The following CRACD variants were observed in gnomAD, a reference collection of about 807,000 sequenced individuals.
CRACD encodes the protein capping protein-inhibiting regulator of actin dynamics.
In CRACD, 56 loss-of-function variants were observed where a neutral mutation model predicts 106.8. The ratio of observed to expected loss-of-function variants is 0.52; its 90% CI spans 0.42 to 0.66. The LOEUF (loss-of-function observed/expected upper bound fraction) is 0.66, where lower values mean the gene tolerates loss of function less well. CRACD is among the 30% of genes least tolerant of loss of function. The pLI, the probability that CRACD is intolerant of heterozygous loss-of-function variation, is 0.00. For missense variants in CRACD, 1,730 were observed against 1,623.2 expected (o/e 1.07, Z -1.13); for synonymous variants, 754 against 670.8 (o/e 1.12, Z -1.92).
At chr4:56,118,255 AT>A (rs1553903191) in intron 1 of CRACD, among the ~76,000 whole-genome samples, 5 of 77,698 alleles carry the variant, frequency 6.4e-5, no homozygotes, top group Admixed American at 5.2e-4. Context: ...CTCATTTTGT[AT>A]ATCCAAAGGC....
intron 3 of CRACD, among the ~76,000 whole-genome samples, chr4:56,278,799 C>T (rs1163747461): frequency 6.6e-6 from 1 of 152,072 alleles, no homozygotes; most frequent in African/African-American, 2.4e-5. Context: ...AAATGACCCC[C>T]TCCCCAAATT....
At chr4:56,087,251 G>A (rs1015800832) in intron 1 of CRACD, among the ~76,000 whole-genome samples, 5 of 152,082 alleles carry the variant, frequency 3.3e-5, no homozygotes, top group African/African-American at 1.2e-4. Context: ...GACCTCAGAC[G>A]ATCCGCCCAC....
chr4:56,288,027 C>A (rs552339810), intron 3 of CRACD, among the ~76,000 whole-genome samples: 4 of 152,234 alleles, frequency 2.6e-5, no homozygotes, highest in South Asian at 2.1e-4. Context: ...GGTATTTGAA[C>A]CTTCTTGGGT....
intron 1 of CRACD, among the ~76,000 whole-genome samples, chr4:56,164,458 A>G (rs1313293398): frequency 6.6e-6 from 1 of 152,184 alleles, no homozygotes; most frequent in Non-Finnish European, 1.5e-5. Context: ...TTAATTGCTC[A>G]AAAAACTATA....
intron 1 of CRACD, among the ~76,000 whole-genome samples, chr4:56,178,859 T>C (rs78144680): frequency 0.017 from 2,528 of 152,318 alleles, 82 homozygotes; most frequent in African/African-American, 0.058. Flanking sequence ...ACCTAGTTAA[T>C]TCTGTGATTT....
chr4:56,288,394 C>A, intron 3 of CRACD: 1 of 226,926 alleles, frequency 4.4e-6, no homozygotes, highest in African/African-American at 2.3e-5. Flanking sequence ...GCCCCCCGCT[C>A]CCTCCCTCTC....
At chr4:56,187,487 A>G (rs111750610) in intron 2 of CRACD, among the ~76,000 whole-genome samples, 1 of 152,064 alleles carries the variant, frequency 6.6e-6, no homozygotes, top group African/African-American at 2.4e-5. Context: ...TGCTTGATTT[A>G]CCAGCAGCTT....
chr4:56,186,611 T>C (rs1737105074), intron 2 of CRACD, among the ~76,000 whole-genome samples: 1 of 152,180 alleles, frequency 6.6e-6, no homozygotes, highest in Non-Finnish European at 1.5e-5. Context: ...CCAGACATTG[T>C]GCTGAGGGGT....
intron 2 of CRACD, among the ~76,000 whole-genome samples, chr4:56,223,779 A>T (rs1306624185): frequency 6.6e-6 from 1 of 152,176 alleles, no homozygotes; most frequent in Non-Finnish European, 1.5e-5. Flanking sequence ...AAATTTTTTT[A>T]GACAGGGTCT....
At chr4:56,277,572 C>T (rs1012861276) in intron 3 of CRACD, among the ~76,000 whole-genome samples, 1 of 152,060 alleles carries the variant, frequency 6.6e-6, no homozygotes, top group East Asian at 1.9e-4. Flanking sequence ...ATGTGATCCC[C>T]TTAAGATCAG....
At chr4:56,065,709 C>A (rs142059345) in intron 1 of CRACD, among the ~76,000 whole-genome samples, 4 of 152,214 alleles carry the variant, frequency 2.6e-5, no homozygotes, top group Non-Finnish European at 4.4e-5. Context: ...TACTATTTTA[C>A]CCATTTTTAA....
At chr4:56,134,496 C>T (rs7686487) in intron 1 of CRACD, among the ~76,000 whole-genome samples, 4 of 152,084 alleles carry the variant, frequency 2.6e-5, no homozygotes, top group South Asian at 2.1e-4. Context: ...AGCTCCAGAA[C>T]GGATGTGCTC....
chr4:56,298,220 C>T lies in CRACD; in HGVS notation c.-10C>T, dbSNP rs1744160523. 6.2e-7 allele frequency: 1 copy of T among 1,613,218 alleles called. No homozygotes were observed. Among genetic ancestry groups the T allele is most frequent in the African/African-American group, 1.3e-5 (1 of 75,012 alleles). On this transcript the variant is annotated 5_prime_UTR_variant, in exon 4 of 11. Transcript: ENST00000682029. Reference sequence around the variant, plus strand: ...CACATGATTTACCTTCCAGGTCCTTCAACTATTCTATGGGAACCCGGGCAT... The same window carrying T: ...CACATGATTTACCTTCCAGGTCCTTTAACTATTCTATGGGAACCCGGGCAT...
chr4:56,321,496 G>C (rs1746106761), intron 8 of CRACD, among the ~76,000 whole-genome samples: 1 of 152,202 alleles, frequency 6.6e-6, no homozygotes, highest in African/African-American at 2.4e-5. Flanking sequence ...AGCAAGTTCA[G>C]ATGTAGTGTT....
At position 56,197,210 on chromosome 4, in the gene CRACD, A is replaced by G. The variant is rs559453316; in HGVS notation, c.-189+17780A>G. Reference sequence around the variant, plus strand: ...TTTTTTTTCTTGCAAAATTCCTTCCAGTAACTTACAGGGAAACTGTCGATG... The same window carrying G: ...TTTTTTTTCTTGCAAAATTCCTTCCGGTAACTTACAGGGAAACTGTCGATG... On this transcript the variant is annotated intron_variant, in intron 2 of 10. Coordinates refer to ENST00000682029, the MANE Select transcript of CRACD (RefSeq NM_001393381.1). 1.0e-3 allele frequency among the ~76,000 whole-genome samples: 152 copies of G among 151,988 alleles called. 1 individual carries two copies. The highest frequency in any genetic ancestry group is 3.6e-3 in the African/African-American group (150 of 41,464).
intron 2 of CRACD, among the ~76,000 whole-genome samples, chr4:56,269,738 T>A (rs1415073555): frequency 6.6e-6 from 1 of 151,798 alleles, no homozygotes; most frequent in African/African-American, 2.4e-5. Flanking sequence ...GCTAATTTTG[T>A]AAGTTCCACA....
chr4:56,323,284 T>G, intron 8 of CRACD, 93 bp from the exon 9 acceptor site: 1 of 1,104,482 alleles, frequency 9.1e-7, no homozygotes, highest in Non-Finnish European at 1.3e-6. Flanking sequence ...TGCCATAGGG[T>G]TATTAATATG....
intron 1 of CRACD, among the ~76,000 whole-genome samples, chr4:56,169,279 C>G (rs1736267067): frequency 6.6e-6 from 1 of 152,086 alleles, no homozygotes. Context: ...ATATGGAAGG[C>G]CATATGGTTA....
intron 2 of CRACD, among the ~76,000 whole-genome samples, chr4:56,254,954 A>T (rs1015812155): frequency 1.3e-5 from 2 of 151,740 alleles, no homozygotes; most frequent in East Asian, 1.9e-4. Flanking sequence ...AAATACAAAA[A>T]AATAATAATA....
Sources: allele counts gnomAD v4.1 joint callset (sites outside exome capture counted in the v4.1 genomes callset), GRCh38; gene constraint gnomAD v4.1.1; transcripts MANE v1.5; gene names NCBI Gene and HGNC (gene_info 2026-07-23, HGNC 2026-07-21).